The following NRXN1 variants were observed in gnomAD, a reference collection of about 807,000 sequenced individuals.
NRXN1 encodes neurexin 1, also known as neurexin-1.
In NRXN1, 39 loss-of-function variants were observed where a neutral mutation model predicts 150.9. The ratio of observed to expected loss-of-function variants is 0.26; its 90% CI spans 0.20 to 0.34. The LOEUF (loss-of-function observed/expected upper bound fraction) is 0.34. Among genes scored for constraint, NRXN1 ranks in the 10% least tolerant of loss-of-function variants. The pLI is 1.00. For missense variants in NRXN1, 1,815 were observed against 1,949.9 expected (o/e 0.93, Z 1.30); for synonymous variants, 924 against 757.0 (o/e 1.22, Z -3.62).
intron 5 of NRXN1, among the ~76,000 whole-genome samples, chr2:50,847,825 G>C (rs911112049): frequency 3.3e-5 from 5 of 152,112 alleles, no homozygotes; most frequent in Admixed American, 6.5e-5. Context: ...AGGTGGCGGA[G>C]TTTGGCTGGA....
At chr2:50,335,765 G>C (rs554927879) in intron 17 of NRXN1, among the ~76,000 whole-genome samples, 1 of 152,280 alleles carries the variant, frequency 6.6e-6, no homozygotes, top group African/African-American at 2.4e-5. Flanking sequence ...ACCAGGAAAG[G>C]ATCTCAATTT....
chr2:50,207,166 G>T (rs2062660413), intron 18 of NRXN1, among the ~76,000 whole-genome samples: 1 of 151,946 alleles, frequency 6.6e-6, no homozygotes, highest in South Asian at 2.1e-4. Flanking sequence ...TTTCAGGAGA[G>T]GTAAGACACA....
intron 19 of NRXN1, among the ~76,000 whole-genome samples, chr2:50,072,278 T>C (rs961833300): frequency 1.3e-5 from 2 of 152,202 alleles, no homozygotes; most frequent in African/African-American, 2.4e-5. Flanking sequence ...TTCCAAGTTA[T>C]GGAAAAAGTC....
intron 17 of NRXN1, among the ~76,000 whole-genome samples, chr2:50,356,989 T>C (rs1275666260): frequency 6.6e-6 from 1 of 152,092 alleles, no homozygotes; most frequent in South Asian, 2.1e-4. Context: ...TGCCCTTAAA[T>C]GATGAAAACT....
At chr2:50,414,932 T>C (rs190600016) in intron 17 of NRXN1, among the ~76,000 whole-genome samples, 1 of 152,170 alleles carries the variant, frequency 6.6e-6, no homozygotes, top group African/African-American at 2.4e-5. Flanking sequence ...ACCATACATA[T>C]ATAACAGAAA....
rs149510678 is a variant in NRXN1, at chr2:50,118,894, G to A, written c.3547-27400C>T. Among the ~76,000 whole-genome samples, 315 of 151,976 alleles carry A rather than the reference G, an allele frequency of 2.1e-3. 2 individuals are homozygous for A. The East Asian group carries it at 0.044, about 21-fold the overall frequency. Reference sequence around the variant, plus strand: ...GCAGGAAGGATTTTGTTGCATGTAAGTTAGAGTTTAAAGCCAGGTTTATTT... The same window carrying A: ...GCAGGAAGGATTTTGTTGCATGTAAATTAGAGTTTAAAGCCAGGTTTATTT... On this transcript the variant is annotated intron_variant, in intron 18 of 22. Transcript: ENST00000401669.
intron 5 of NRXN1, among the ~76,000 whole-genome samples, chr2:50,629,585 T>C (rs1681871669): frequency 6.6e-6 from 1 of 151,662 alleles, no homozygotes; most frequent in African/African-American, 2.4e-5. Flanking sequence ...TGGACATTTA[T>C]GCTACATTTA....
At chr2:50,007,953 T>C (rs1032876651) in intron 21 of NRXN1, among the ~76,000 whole-genome samples, 1 of 152,202 alleles carries the variant, frequency 6.6e-6, no homozygotes, top group Non-Finnish European at 1.5e-5. Context: ...GTCTACCTAA[T>C]GTGAAAGTTC....
intron 13 of NRXN1, among the ~76,000 whole-genome samples, chr2:50,500,935 T>C (rs1313449398): frequency 3.9e-5 from 6 of 152,140 alleles, no homozygotes; most frequent in Non-Finnish European, 8.8e-5. Flanking sequence ...GAAATAGTGT[T>C]GAGAGGGGCA....
chr2:50,501,430 T>TG (rs2091940894), intron 13 of NRXN1, among the ~76,000 whole-genome samples: 1 of 151,932 alleles, frequency 6.6e-6, no homozygotes, highest in Non-Finnish European at 1.5e-5. Flanking sequence ...TGTGTGTTTA[T>TG]TCCCTTTGTG....
intron 17 of NRXN1, among the ~76,000 whole-genome samples, chr2:50,373,294 T>TA (rs565617688): frequency 2.6e-4 from 36 of 140,412 alleles, no homozygotes; most frequent in Non-Finnish European, 4.2e-4. Context: ...TATTTTATTT[T>TA]TTATTATTAT....
At chr2:50,956,401 T>G (rs1431797210) in intron 2 of NRXN1, among the ~76,000 whole-genome samples, 2 of 152,098 alleles carry the variant, frequency 1.3e-5, no homozygotes, top group Non-Finnish European at 2.9e-5. Flanking sequence ...TCGCTATACA[T>G]AATACTAGCT....
rs1558874472 is a variant in NRXN1, at chr2:50,098,836, T to TTTTTTTTGG, written c.3547-7343_3547-7342insCCAAAAAAA. On this transcript the variant is annotated intron_variant, in intron 18 of 22. Coordinates refer to ENST00000401669, the MANE Select transcript of NRXN1 (RefSeq NM_001330078.2). Reference sequence around the variant, plus strand: ...GGTTTTGTTTTTGGTTTTAGTTTTTTTTTTTTTTTTTTTTTTTTTTTTTTT... The same window carrying TTTTTTTTGG: ...GGTTTTGTTTTTGGTTTTAGTTTTTTTTTTTTTGGTTTTTTTTTTTTTTTTTTTTTTTTT... Among the ~76,000 whole-genome samples, 8 of 6,484 alleles carry TTTTTTTTGG rather than the reference T, an allele frequency of 1.2e-3. 1 individual carries two copies. Among genetic ancestry groups the TTTTTTTTGG allele is most frequent in the African/African-American group, 0.011 (8 of 740 alleles). The allele number at this position is 6,484 out of a possible 152,430, so 4.3% of individuals were successfully genotyped here. A position where few individuals can be genotyped will look rare whatever the true frequency, so the allele number is the denominator to read the frequency against.
chr2:49,943,589 A>G (rs1265137814), intron 22 of NRXN1, 115 bp downstream of exon 22: 5 of 726,296 alleles, frequency 6.9e-6, no homozygotes, highest in South Asian at 4.6e-5. Context: ...CTCACAATCA[A>G]CGATGGTATA....
chr2:50,576,342 T>A (rs1319090633), intron 8 of NRXN1, among the ~76,000 whole-genome samples: 1 of 152,046 alleles, frequency 6.6e-6, no homozygotes, highest in African/African-American at 2.4e-5. Flanking sequence ...AGTAATAGAT[T>A]TTTTTTGGCA....
chr2:50,526,969 ATTAT>A (rs2092968790), intron 12 of NRXN1, among the ~76,000 whole-genome samples: 1 of 152,330 alleles, frequency 6.6e-6, no homozygotes, highest in East Asian at 1.9e-4. Context: ...AACAAGGGTA[ATTAT>A]ACTATAAACA....
intron 2 of NRXN1, 52 bp downstream of exon 2, chr2:51,027,450 C>T: frequency 6.8e-7 from 1 of 1,472,670 alleles, no homozygotes; most frequent in Non-Finnish European, 8.9e-7. Context: ...GTCCCCTCCT[C>T]CCCGAGCCCC....
chr2:50,994,140 T>C (rs899169719), intron 2 of NRXN1, among the ~76,000 whole-genome samples: 10 of 152,018 alleles, frequency 6.6e-5, no homozygotes, highest in Non-Finnish European at 1.2e-4. Context: ...ATGAGAATAC[T>C]GAGCCTTAGA....
chr2:50,564,373 T>C (rs1558943747), intron 8 of NRXN1, among the ~76,000 whole-genome samples: 1 of 152,208 alleles, frequency 6.6e-6, no homozygotes, highest in Non-Finnish European at 1.5e-5. Context: ...GTGACTACTA[T>C]TGAAAGCAAA....
Sources: allele counts gnomAD v4.1 joint callset (sites outside exome capture counted in the v4.1 genomes callset), GRCh38; gene constraint gnomAD v4.1.1; transcripts MANE v1.5; gene names NCBI Gene and HGNC (gene_info 2026-07-23, HGNC 2026-07-21).